NUSAP1: variants seen among roughly 807,000 people sequenced by gnomAD.
NUSAP1 encodes nucleolar and spindle associated protein 1, also known as nucleolar and spindle-associated protein 1.
NUSAP1 carries 32 observed loss-of-function variants against 52.8 expected under a neutral mutation model. That is an observed-to-expected ratio of 0.61 (90% confidence interval 0.46 to 0.81). The LOEUF is 0.81. Ranked by LOEUF, NUSAP1 falls within the 40% of genes least tolerant of loss-of-function variation. NUSAP1 has a pLI of 0.00. For missense variants in NUSAP1, 499 were observed against 522.3 expected, an observed-to-expected ratio of 0.96 and a Z score of 0.43; for synonymous variants, 195 against 183.1, an observed-to-expected ratio of 1.06 and a Z score of -0.52.
At chr15:41,347,228 C>T (rs1386986698) in intron 2 of NUSAP1, among the ~76,000 whole-genome samples, 1 of 152,132 alleles carries the variant, frequency 6.6e-6, no homozygotes, top group African/African-American at 2.4e-5. Context: ...AATAAATAGA[C>T]TATCAAGGGA....
Position 41,365,413 on chromosome 15 carries a change from C to A in NUSAP1, c.672C>A (p.Ile224=). The A allele has an allele frequency of 6.2e-7, 1 of 1,606,084 alleles. No homozygotes were observed. The highest frequency in any genetic ancestry group is 1.3e-5 in the African/African-American group (1 of 74,776). ...NSMNELKQQP[I]NKGGVRTPVP... Reference sequence around the variant, plus strand: ...CATTTTCTCTTCAGCAGCAGCCCATCAATAAGGGAGGGGTCAGGACTCCAG... The same window carrying A: ...CATTTTCTCTTCAGCAGCAGCCCATAAATAAGGGAGGGGTCAGGACTCCAG... The change falls in exon 7 of 11, where the codon ATC becomes ATA. Residue 224 remains isoleucine (I), a synonymous_variant. Transcript: ENST00000559596.
rs2049937749 is a variant in NUSAP1, at chr15:41,376,423, C to T, written c.1123+595C>T. ...CAAAAACAGGCTGGGCGCGGTGGCT[C>T]ACGCCTGTAATCCCAGCACTTTGGG... On this transcript the variant is annotated intron_variant, in intron 9 of 10. Transcript: ENST00000559596. Among the ~76,000 whole-genome samples, 3 of 151,180 alleles carry T rather than the reference C, an allele frequency of 2.0e-5. No homozygotes were observed. The South Asian group carries it at 6.3e-4, about 32-fold the overall frequency.
chr15:41,378,944 G>GTTTTGTTTT (rs2050092060), intron 10 of NUSAP1, among the ~76,000 whole-genome samples: 1 of 63,270 alleles, frequency 1.6e-5, no homozygotes, highest in African/African-American at 7.0e-5. Context: ...ACTTATCTTG[G>GTTTTGTTTT]TTTTTTTTTT....
At chr15:41,340,006 T>TGG (rs2048318164) in intron 1 of NUSAP1, among the ~76,000 whole-genome samples, 1 of 149,436 alleles carries the variant, frequency 6.7e-6, no homozygotes, top group Non-Finnish European at 1.5e-5. Flanking sequence ...CTCCTAACTT[T>TGG]GGGTGATCTT....
At chr15:41,362,130 G>A (rs1219459326) in intron 6 of NUSAP1, among the ~76,000 whole-genome samples, 1 of 152,026 alleles carries the variant, frequency 6.6e-6, no homozygotes, top group East Asian at 1.9e-4. Flanking sequence ...TGGGAGGGTT[G>A]CTTGAGCCCA....
intron 7 of NUSAP1, among the ~76,000 whole-genome samples, chr15:41,369,958 C>T (rs1204658066): frequency 6.6e-6 from 1 of 151,762 alleles, no homozygotes; most frequent in East Asian, 1.9e-4. Flanking sequence ...ATTCCAGCTA[C>T]TTGGGAGGCT....
intron 4 of NUSAP1, among the ~76,000 whole-genome samples, chr15:41,354,671 ATAT>A (rs2140663042): frequency 4.9e-5 from 1 of 20,578 alleles, no homozygotes; most frequent in East Asian, 4.3e-3. Context: ...GTTTTAACCG[ATAT>A]ATATATATAT....
intron 3 of NUSAP1, 29 bp from the exon 4 acceptor site, chr15:41,350,959 A>G (rs1209753502): frequency 6.4e-7 from 1 of 1,573,704 alleles, no homozygotes; most frequent in Admixed American, 1.8e-5. Context: ...TTATCATCGA[A>G]ATCTTTTATT....
chr15:41,356,651 C>G (rs2048985210), intron 5 of NUSAP1, among the ~76,000 whole-genome samples: 1 of 152,120 alleles, frequency 6.6e-6, no homozygotes, highest in Non-Finnish European at 1.5e-5. Context: ...CTCTGCCTGG[C>G]CTATAGTACC....
chr15:41,353,616 G>A (rs1248326839), intron 4 of NUSAP1, among the ~76,000 whole-genome samples: 1 of 152,140 alleles, frequency 6.6e-6, no homozygotes, highest in African/African-American at 2.4e-5. Flanking sequence ...AAACCCACTT[G>A]CTTGTAAATC....
intron 2 of NUSAP1, among the ~76,000 whole-genome samples, chr15:41,344,786 C>T (rs886471953): frequency 6.6e-6 from 1 of 151,976 alleles, no homozygotes; most frequent in Non-Finnish European, 1.5e-5. Context: ...ACTAAAAATA[C>T]AAAAATTAGC....
At chr15:41,367,465 C>T (rs1350163863) in intron 7 of NUSAP1, among the ~76,000 whole-genome samples, 4 of 152,102 alleles carry the variant, frequency 2.6e-5, no homozygotes. Flanking sequence ...GAATATTGAG[C>T]CCTAGTAATG....
chr15:41,366,215 A>T (rs2049402899), intron 7 of NUSAP1, among the ~76,000 whole-genome samples: 6 of 151,062 alleles, frequency 4.0e-5, no homozygotes, highest in Non-Finnish European at 8.8e-5. Context: ...TCAAGTGATC[A>T]TCCCACCTTG....
intron 1 of NUSAP1, among the ~76,000 whole-genome samples, chr15:41,334,693 T>C (rs1445619995): frequency 9.0e-6 from 1 of 111,666 alleles, no homozygotes; most frequent in Admixed American, 1.1e-4. Context: ...CTTTCTCCTT[T>C]ATCTGCCTGG....
intron 7 of NUSAP1, among the ~76,000 whole-genome samples, chr15:41,368,516 A>C (rs1465466727): frequency 6.6e-6 from 1 of 152,038 alleles, no homozygotes; most frequent in East Asian, 1.9e-4. Flanking sequence ...TGCCCCATTG[A>C]TCCCTGTTTT....
chr15:41,369,703 A>T (rs1416636335), intron 7 of NUSAP1, among the ~76,000 whole-genome samples: 1 of 152,108 alleles, frequency 6.6e-6, no homozygotes, highest in African/African-American at 2.4e-5. Flanking sequence ...TGAAATGTAC[A>T]GGTGGGTCTG....
intron 8 of NUSAP1, among the ~76,000 whole-genome samples, chr15:41,373,715 T>G (rs1031115765): frequency 6.6e-6 from 1 of 151,996 alleles, no homozygotes; most frequent in African/African-American, 2.4e-5. Context: ...GCCAAAGTGC[T>G]GGGATTACAG....
chr15:41,378,380 G>T (rs978713780), intron 10 of NUSAP1, among the ~76,000 whole-genome samples: 1 of 152,180 alleles, frequency 6.6e-6, no homozygotes, highest in Non-Finnish European at 1.5e-5. Flanking sequence ...CTCATCCTGG[G>T]TTGCAGCAAG....
At chr15:41,335,326 T>C (rs925935497) in intron 1 of NUSAP1, among the ~76,000 whole-genome samples, 6 of 144,838 alleles carry the variant, frequency 4.1e-5, no homozygotes, top group Non-Finnish European at 9.0e-5. Flanking sequence ...TATATAAATA[T>C]ACTAGGATAC....
Sources: allele counts gnomAD v4.1 joint callset (sites outside exome capture counted in the v4.1 genomes callset), GRCh38; gene constraint gnomAD v4.1.1; transcripts MANE v1.5; gene names NCBI Gene and HGNC (gene_info 2026-07-23, HGNC 2026-07-21).